TBC1D16: variants seen among roughly 807,000 people sequenced by gnomAD.
TBC1D16 encodes CTD-2529O21.1.
TBC1D16 carries 58 observed loss-of-function variants against 74.7 expected under a neutral mutation model. The ratio of observed to expected loss-of-function variants is 0.78; its 90% CI spans 0.63 to 0.97. The LOEUF (loss-of-function observed/expected upper bound fraction) is 0.97, where lower values mean the gene tolerates loss of function less well. Among genes scored for constraint, TBC1D16 ranks in the 50% least tolerant of loss-of-function variants. The pLI, the probability that TBC1D16 is intolerant of heterozygous loss-of-function variation, is 0.00. For missense variants in TBC1D16, 1,014 were observed against 1,079.5 expected, an observed-to-expected ratio of 0.94 and a Z score of 0.85; for synonymous variants, 493 against 474.7, an observed-to-expected ratio of 1.04 and a Z score of -0.50.
intron 10 of TBC1D16, among the ~76,000 whole-genome samples, chr17:79,943,539 C>T (rs2032218904): frequency 6.6e-6 from 1 of 152,028 alleles, no homozygotes; most frequent in African/African-American, 2.4e-5. Flanking sequence ...TTCCACAGAG[C>T]TCACTCTCAG....
intron 3 of TBC1D16, among the ~76,000 whole-genome samples, chr17:79,997,311 TG>T (rs1302554710): frequency 6.6e-6 from 1 of 151,500 alleles, no homozygotes; most frequent in Non-Finnish European, 1.5e-5. Context: ...GATGTCACCA[TG>T]GGGGGAAGTG....
At chr17:79,989,613 AT>A (rs2034986175) in intron 3 of TBC1D16, among the ~76,000 whole-genome samples, 1 of 152,248 alleles carries the variant, frequency 6.6e-6, no homozygotes, top group African/African-American at 2.4e-5. Context: ...CTGCTCATGT[AT>A]TCTCCAGCAG....
At chr17:79,973,311 G>A (rs996208738) in intron 3 of TBC1D16, among the ~76,000 whole-genome samples, 1 of 152,120 alleles carries the variant, frequency 6.6e-6, no homozygotes, top group Non-Finnish European at 1.5e-5. Flanking sequence ...GGTGGCTCAT[G>A]CCTGTAATCC....
chr17:80,003,884 T>TA (rs940069162), intron 3 of TBC1D16, among the ~76,000 whole-genome samples: 4 of 152,062 alleles, frequency 2.6e-5, no homozygotes, highest in Non-Finnish European at 5.9e-5. Context: ...AGTCTGTCTC[T>TA]AAAAAATAAA....
chr17:79,945,304 G>C lies in TBC1D16; in HGVS notation c.1729-217C>G, dbSNP rs369005083. ...CTGCCAGTTCCTCCCAGATCTGACT[G>C]TTCCGGAGGCTGTGGTGTGGTCCAG... On this transcript the variant is annotated intron_variant, in intron 9 of 11. Coordinates refer to ENST00000310924, the MANE Select transcript of TBC1D16 (RefSeq NM_019020.4). Among the ~76,000 whole-genome samples the C allele has an allele frequency of 2.2e-3, 328 of 152,332 alleles. 2 individuals are homozygous for C. The highest frequency in any genetic ancestry group is 7.3e-3 in the African/African-American group (303 of 41,578).
chr17:79,999,668 G>A (rs1033723301), intron 3 of TBC1D16, among the ~76,000 whole-genome samples: 2 of 143,840 alleles, frequency 1.4e-5, no homozygotes, highest in Non-Finnish European at 3.0e-5. Flanking sequence ...TCAGCCTCCC[G>A]AGTAGCTGGA....
Position 80,008,442 on chromosome 17 carries a change from A to C in TBC1D16, c.779+1718T>G, listed in dbSNP as rs2035757723. On this transcript the variant is annotated intron_variant, in intron 3 of 11. Coordinates refer to ENST00000310924, the MANE Select transcript of TBC1D16 (RefSeq NM_019020.4). This position sits in a 1 kb window ranked among gnomAD's most constrained non-coding sequence, Gnocchi z 4.5. ...CTTCTGGTTGTGGTTCTGCCACAGA[A>C]TCCTCAGCCCCAAGACCGTGGGCCA... 6.6e-6 allele frequency among the ~76,000 whole-genome samples: 1 copy of C among 152,088 alleles called. No homozygotes were observed. Among genetic ancestry groups the C allele is most frequent in the East Asian group, 1.9e-4 (1 of 5,190 alleles).
At position 80,010,198 on chromosome 17, in the gene TBC1D16, G is replaced by C. The variant is rs370904572; in HGVS notation, c.741C>G (p.Ala247=). Residue 247 remains alanine, a synonymous_variant, in exon 3 of 12, where the codon GCC becomes GCG. Coordinates refer to ENST00000310924, the MANE Select transcript of TBC1D16 (RefSeq NM_019020.4). The surrounding 1 kb of genome is among the most constrained non-coding windows in gnomAD (Gnocchi z 8.8). ...CCAGAAACACGGAGCCGCGGCTCTC[G>C]GCCAGCGCCGCGCTGATGGGCGAGA... The part of the protein sequence containing the change: ...FCLSPISAAL[A]ESRGSVFLES... 6.2e-7 allele frequency: 1 copy of C among 1,612,536 alleles called. No homozygotes were observed. The highest frequency in any genetic ancestry group is 1.1e-5 in the South Asian group (1 of 90,890).
At position 79,981,291 on chromosome 17, in the gene TBC1D16, C is replaced by A. The variant is rs1421409713; in HGVS notation, c.780-28473G>T. ...GATTTGACGCAAACCAGGACTGGGG[C>A]CCTGGCCGACAGAAAATTCTTAGAG... On this transcript the variant is annotated intron_variant, in intron 3 of 11. Transcript: ENST00000310924. This position sits in a 1 kb window ranked among gnomAD's most constrained non-coding sequence, Gnocchi z 6.9. Among the ~76,000 whole-genome samples the A allele has an allele frequency of 6.6e-6, 1 of 152,184 alleles. No individual in the cohort carries two copies. Among genetic ancestry groups the A allele is most frequent in the Non-Finnish European group, 1.5e-5 (1 of 68,028 alleles).
intron 3 of TBC1D16, among the ~76,000 whole-genome samples, chr17:79,973,052 A>G (rs1488811644): frequency 1.3e-5 from 2 of 152,350 alleles, no homozygotes; most frequent in Middle Eastern, 3.4e-3. Flanking sequence ...GCTACATTCC[A>G]GCCTGGGCAA....
chr17:80,012,578 CTT>C (rs57334506), intron 2 of TBC1D16, among the ~76,000 whole-genome samples: 5 of 147,418 alleles, frequency 3.4e-5, no homozygotes, highest in African/African-American at 9.9e-5. Flanking sequence ...TAATTTATAA[CTT>C]TTTTTTTTTT....
rs982002485 is a variant in TBC1D16 at position 80,023,663 on chromosome 17, C to CG, written c.-62-10055_-62-10054insC. On this transcript the variant is annotated intron_variant, in intron 1 of 11. Coordinates refer to ENST00000310924, the MANE Select transcript of TBC1D16 (RefSeq NM_019020.4). ...GAGCGAGAACTGCTGCCGGGCCCCC[C>CG]CCCACCGGCTCAGGGCGTGGCTGGG... Among the ~76,000 whole-genome samples, 5 of 142,996 alleles carry CG rather than the reference C, an allele frequency of 3.5e-5. 1 individual carries two copies. Among genetic ancestry groups the CG allele is most frequent in the African/African-American group, 8.5e-5 (3 of 35,384 alleles). The allele number at this position is 142,996 out of a possible 152,430, so 93.8% of individuals were successfully genotyped here.
rs376387898 is a variant in TBC1D16, at chr17:80,009,704, C to T, written c.779+456G>A. The stretch of plus-strand genomic sequence containing the variant: ...GTGGGCTGCAGGGCAGAGCGGGGAG[C>T]TGGAGACCAGCACATCTGGGCTTGG... On this transcript the variant is annotated intron_variant, in intron 3 of 11. Coordinates refer to ENST00000310924, the MANE Select transcript of TBC1D16 (RefSeq NM_019020.4). This position sits in a 1 kb window ranked among gnomAD's most constrained non-coding sequence, Gnocchi z 5.4. 2.6e-5 allele frequency among the ~76,000 whole-genome samples: 4 copies of T among 152,236 alleles called. No individual in the cohort carries two copies. The highest frequency in any genetic ancestry group is 5.9e-5 in the Non-Finnish European group (4 of 68,034).
chr17:79,978,695 C>A (rs184027951), intron 3 of TBC1D16, among the ~76,000 whole-genome samples: 281 of 152,340 alleles, frequency 1.8e-3, no homozygotes, highest in Non-Finnish European at 3.1e-3. Flanking sequence ...AGGACGTGCA[C>A]GTGATGCCGT....
rs558422282 is a variant in TBC1D16, at chr17:80,012,232, A to T, written c.181+1135T>A. 3.9e-5 allele frequency among the ~76,000 whole-genome samples: 6 copies of T among 152,332 alleles called. No individual in the cohort carries two copies. In the South Asian group the frequency reaches 1.2e-3, roughly 32 times the overall value. On this transcript the variant is annotated intron_variant, in intron 2 of 11. Coordinates refer to ENST00000310924, the MANE Select transcript of TBC1D16 (RefSeq NM_019020.4). ...AGGATAACATGAGCCTGAGGCTGAGAAGTGTTTCCACATCCTTTGAGATCG... is the reference window on the plus strand; with the variant it reads ...AGGATAACATGAGCCTGAGGCTGAGTAGTGTTTCCACATCCTTTGAGATCG...
chr17:79,951,631 C>A, intron 4 of TBC1D16, 34 bp from the exon 5 acceptor site: 3 of 1,601,688 alleles, frequency 1.9e-6, no homozygotes, highest in South Asian at 2.2e-5. Flanking sequence ...GAGGGAAGCC[C>A]GATGAATATG....
At position 79,950,414 on chromosome 17, in the gene TBC1D16, C is replaced by T. The variant is rs199717001; in HGVS notation, c.1254G>A (p.Arg418=). ...LGQVEEEYKL[R]KAIFFGGIDV... Reference sequence around the variant, plus strand: ...GCTGGGCGGACCCGGACCTCACCTTCCGCAGCTTGTACTCCTCCTCCACCT... The same window carrying T: ...GCTGGGCGGACCCGGACCTCACCTTTCGCAGCTTGTACTCCTCCTCCACCT... Residue 418 remains arginine, a synonymous_variant, in exon 6 of 12, where the codon CGG becomes CGA. Transcript: ENST00000310924. This position sits in a 1 kb window ranked among gnomAD's most constrained non-coding sequence, Gnocchi z 4.6. The T allele has an allele frequency of 5.6e-6, 9 of 1,607,832 alleles. No individual in the cohort carries two copies. The African/African-American group carries it at 1.2e-4, about 22-fold the overall frequency.
In TBC1D16 at chr17:79,983,525, A is replaced by G. The variant is rs2034680670; in HGVS notation, c.779+26635T>C. ...TCCCCCTATTGGAGTGAGCACCCGC[A>G]GCACCTCAGGCACGGGGAGCTGAGC... On this transcript the variant is annotated intron_variant, in intron 3 of 11. Coordinates refer to ENST00000310924, the MANE Select transcript of TBC1D16 (RefSeq NM_019020.4). This position sits in a 1 kb window ranked among gnomAD's most constrained non-coding sequence, Gnocchi z 5.6. Among the ~76,000 whole-genome samples the G allele has an allele frequency of 6.6e-6, 1 of 152,250 alleles. No individual in the cohort carries two copies. The highest frequency in any genetic ancestry group is 2.1e-4 in the South Asian group (1 of 4,836).
At chr17:79,977,701 C>T (rs571661559) in intron 3 of TBC1D16, among the ~76,000 whole-genome samples, 16 of 152,388 alleles carry the variant, frequency 1.0e-4, no homozygotes, top group East Asian at 3.9e-4. Flanking sequence ...AACTGAAGCA[C>T]GTCTGGCATA....
Sources: allele counts gnomAD v4.1 joint callset (sites outside exome capture counted in the v4.1 genomes callset), GRCh38; gene constraint gnomAD v4.1.1; non-coding constraint Gnocchi (gnomAD v3.1); transcripts MANE v1.5; gene names NCBI Gene and HGNC (gene_info 2026-07-23, HGNC 2026-07-21).